The following UNC13C variants were observed in gnomAD, a reference collection of about 807,000 sequenced individuals.
UNC13C encodes unc-13 homolog C.
UNC13C carries 174 observed loss-of-function variants against 245.4 expected under a neutral mutation model. The observed-to-expected ratio is 0.71, with a 90% CI of 0.63 to 0.80. The LOEUF (loss-of-function observed/expected upper bound fraction) is 0.80, where lower values mean the gene tolerates loss of function less well. UNC13C is among the 30% of genes least tolerant of loss of function. The pLI is 0.00. For missense variants in UNC13C, 2,829 were observed against 2,602.9 expected (o/e 1.09, Z -1.89); for synonymous variants, 992 against 895.1 (o/e 1.11, Z -1.93).
chr15:53,887,912 C>T, the UNC13C span, among the ~76,000 whole-genome samples: 4 of 152,268 alleles, frequency 2.6e-5, no homozygotes, highest in South Asian at 4.2e-4. Flanking sequence ...CATAGTATTC[C>T]ATGGTGTATA....
In UNC13C at chr15:54,013,269, A is replaced by G. The variant is rs1476997614; in HGVS notation, c.366A>G (p.Ser122=). 1 of 1,613,770 alleles carries G rather than the reference A, an allele frequency of 6.2e-7. No homozygotes were observed. Among genetic ancestry groups the G allele is most frequent in the South Asian group, 1.1e-5 (1 of 91,072 alleles). Residue 122 remains serine (S), a synonymous_variant, in exon 2 of 33, where the codon TCA becomes TCG. Transcript: ENST00000260323. ...AGGATCTGCTTCAAGAGCTCTCTTC[A>G]ATCGAGAGTTCCTACTCAGAATCAT... is the stretch of plus-strand genomic sequence containing the variant. ...DNEDLLQELS[S]IESSYSESLN... is the part of the protein sequence containing the mutation.
chr15:54,556,974 C>A (rs1021412536), intron 29 of UNC13C, among the ~76,000 whole-genome samples: 1 of 152,022 alleles, frequency 6.6e-6, no homozygotes, highest in Non-Finnish European at 1.5e-5. Flanking sequence ...CAGATGATCA[C>A]CACCTGCTGG....
intron 4 of UNC13C, among the ~76,000 whole-genome samples, chr15:54,144,037 T>C (rs1158765193): frequency 6.6e-6 from 1 of 152,190 alleles, no homozygotes; most frequent in African/African-American, 2.4e-5. Context: ...TGTTTGCACT[T>C]AATGATATAT....
At chr15:54,428,486 A>G (rs1243724208) in intron 19 of UNC13C, among the ~76,000 whole-genome samples, 2 of 151,418 alleles carry the variant, frequency 1.3e-5, no homozygotes, top group Admixed American at 6.6e-5. Flanking sequence ...GGTTTCTGAT[A>G]AGGAAATCCT....
intron 30 of UNC13C, among the ~76,000 whole-genome samples, chr15:54,601,992 C>T (rs945600953): frequency 2.0e-4 from 30 of 152,194 alleles, no homozygotes; most frequent in Non-Finnish European, 4.4e-4. Flanking sequence ...ACTTCCCTCC[C>T]TCTGTGAGCC....
chr15:54,009,615 C>T (rs992054443), intron 1 of UNC13C, among the ~76,000 whole-genome samples: 4 of 150,464 alleles, frequency 2.7e-5, no homozygotes, highest in African/African-American at 9.8e-5. Context: ...GGCGTGATCT[C>T]GGCTTACTGC....
chr15:54,505,210 G>C (rs1482170342), intron 22 of UNC13C, among the ~76,000 whole-genome samples: 1 of 152,112 alleles, frequency 6.6e-6, no homozygotes, highest in Non-Finnish European at 1.5e-5. Context: ...AAGACCAGTA[G>C]TTCCCCAAAG....
intron 2 of UNC13C, among the ~76,000 whole-genome samples, chr15:54,054,733 G>A (rs1897428335): frequency 6.6e-6 from 1 of 152,168 alleles, no homozygotes; most frequent in Non-Finnish European, 1.5e-5. Flanking sequence ...CATTAAACCT[G>A]TATTTTCTGT....
At chr15:54,531,925 A>G (rs911751947) in intron 25 of UNC13C, among the ~76,000 whole-genome samples, 1 of 152,150 alleles carries the variant, frequency 6.6e-6, no homozygotes, top group Non-Finnish European at 1.5e-5. Context: ...ATTGAGTCAT[A>G]CAATATGTGG....
At chr15:54,622,942 G>C (rs1900886571) in intron 31 of UNC13C, among the ~76,000 whole-genome samples, 1 of 152,042 alleles carries the variant, frequency 6.6e-6, no homozygotes, top group African/African-American at 2.4e-5. Flanking sequence ...TACCCACTTT[G>C]AGCAAAACTA....
intron 14 of UNC13C, among the ~76,000 whole-genome samples, chr15:54,324,689 A>C (rs1567187863): frequency 6.6e-6 from 1 of 152,050 alleles, no homozygotes; most frequent in Non-Finnish European, 1.5e-5. Flanking sequence ...AAGGTAAACT[A>C]TTTTGGGAAA....
intron 24 of UNC13C, among the ~76,000 whole-genome samples, chr15:54,516,581 T>A (rs1566882653): frequency 6.6e-6 from 1 of 152,092 alleles, no homozygotes. Context: ...AGTGGGTGGA[T>A]CACCTGAGGT....
the UNC13C span, among the ~76,000 whole-genome samples, chr15:53,873,408 C>G: frequency 6.6e-6 from 1 of 152,222 alleles, no homozygotes; most frequent in African/African-American, 2.4e-5. Flanking sequence ...GATCGCTCAA[C>G]TTGCCTCCTC....
chr15:54,344,512 T>A (rs991123332), intron 17 of UNC13C, among the ~76,000 whole-genome samples: 1 of 152,238 alleles, frequency 6.6e-6, no homozygotes, highest in Non-Finnish European at 1.5e-5. Flanking sequence ...TGCTTGGGGC[T>A]AAGCTTTAAA....
chr15:53,885,411 A>G, the UNC13C span, among the ~76,000 whole-genome samples: 3 of 152,202 alleles, frequency 2.0e-5, no homozygotes, highest in African/African-American at 7.2e-5. Context: ...GTTCTGTTCC[A>G]TACCTGGGAA....
intron 19 of UNC13C, among the ~76,000 whole-genome samples, chr15:54,485,337 A>G (rs1010603005): frequency 3.9e-5 from 6 of 152,238 alleles, no homozygotes; most frequent in Non-Finnish European, 7.3e-5. Flanking sequence ...CAAAATTTCA[A>G]TAAGTTACCA....
chr15:54,195,908 CTTACT>C (rs1176501903), intron 4 of UNC13C, among the ~76,000 whole-genome samples: 1 of 152,222 alleles, frequency 6.6e-6, no homozygotes, highest in South Asian at 2.1e-4. Flanking sequence ...ATCTGCCCAG[CTTACT>C]TTACCACAAC....
chr15:54,463,208 C>G, intron 19 of UNC13C, among the ~76,000 whole-genome samples: 1 of 131,946 alleles, frequency 7.6e-6, no homozygotes, highest in Non-Finnish European at 1.5e-5. Flanking sequence ...CCAATCAGCT[C>G]TCAGTAAAAT....
chr15:54,344,178 C>A (rs2038804456), intron 17 of UNC13C, among the ~76,000 whole-genome samples: 1 of 152,178 alleles, frequency 6.6e-6, no homozygotes, highest in African/African-American at 2.4e-5. Context: ...ATTTCCTCAT[C>A]TACTAATTAA....
Sources: allele counts gnomAD v4.1 joint callset (sites outside exome capture counted in the v4.1 genomes callset), GRCh38; gene constraint gnomAD v4.1.1; transcripts MANE v1.5; gene names NCBI Gene and HGNC (gene_info 2026-07-23, HGNC 2026-07-21).